TBX1: variants seen among roughly 807,000 people sequenced by gnomAD.
TBX1 encodes T-box transcription factor 1, also known as T-box transcription factor TBX1.
A neutral mutation model predicts 40.8 loss-of-function variants in TBX1; 16 were observed. The ratio of observed to expected loss-of-function variants is 0.39; its 90% CI spans 0.27 to 0.60. The LOEUF (loss-of-function observed/expected upper bound fraction) is 0.60. Ranked by LOEUF, TBX1 falls within the 20% of genes least tolerant of loss-of-function variation. The probability of loss-of-function intolerance (pLI) is 0.51; values close to 1 mark genes in which losing one functional copy is unlikely to be tolerated. For synonymous variants in TBX1, 403 were observed against 336.8 expected, an observed-to-expected ratio of 1.20 and a Z score of -2.15; for missense variants, 755 against 728.5, an observed-to-expected ratio of 1.04 and a Z score of -0.42.
chr22:19,779,373 T>C (rs144421657), exon 9 of TBX1: 62 of 1,614,162 alleles, frequency 3.8e-5, no homozygotes, highest in Non-Finnish European at 2.2e-5. Flanking sequence ...CAGGGCCTGG[T>C]GGCTGGGAGG....
At chr22:19,768,353 C>T (rs1306114581), downstream of TBX1, among the ~76,000 whole-genome samples, 1 of 152,206 alleles carries the variant, frequency 6.6e-6, no homozygotes, top group Non-Finnish European at 1.5e-5. Context: ...TACATGTTTG[C>T]TCTGGCGGCG....
At chr22:19,779,148 G>A in intron 8 of TBX1, 1 of 1,552,916 alleles carries the variant, frequency 6.4e-7, no homozygotes, top group South Asian at 1.1e-5. Context: ...TGTGCAGTCT[G>A]ATCTGCAAGA....
rs1439998955 is a variant in TBX1, at chr22:19,766,956, T to TA, written c.*90dup. 1 of 1,521,384 alleles carries TA rather than the reference T, an allele frequency of 6.6e-7. No homozygotes were observed. Among genetic ancestry groups the TA allele is most frequent in the Non-Finnish European group, 8.7e-7 (1 of 1,143,390 alleles). 94.2% of individuals were successfully genotyped at this position (1,521,384 alleles called of 1,614,324 possible). On this transcript the variant is annotated 3_prime_UTR_variant, in exon 7 of 7. Transcript: ENST00000649276. The stretch of plus-strand genomic sequence containing the variant: ...CCCTGCCCCAAGGGCAAGCAAGGAA[T>TA]ACGTTCCCCCAGCCCCAGGGGCCAC...
At chr22:19,758,302 GGAGGCTCCAGCAAGGCACA>G (rs528119217), upstream of TBX1, among the ~76,000 whole-genome samples, 222 of 152,288 alleles carry the variant, frequency 1.5e-3, no homozygotes, top group African/African-American at 4.8e-3. Flanking sequence ...CCAGCACCAG[GGAGGCTCCAGCAAGGCACA>G]GAGGCTCCAG....
chr22:19,761,664 C>A (rs369516405), intron 1 of TBX1, among the ~76,000 whole-genome samples: 2 of 152,212 alleles, frequency 1.3e-5, no homozygotes, highest in African/African-American at 2.4e-5. Flanking sequence ...CACCGCCCGG[C>A]CGACTCCTAG....
rs780062926 is a variant in TBX1 at position 19,763,349 on chromosome 22, G to A, written c.539+7G>A. 3.8e-5 allele frequency: 62 copies of A among 1,613,882 alleles called. 1 individual carries two copies. The Admixed American group carries it at 4.3e-4, about 11-fold the overall frequency. ...TGGACGATAAGCGCTACCGGTGAGC[G>A]AGTGGTTGTAAGCGTGAGGGACCGG... On this transcript the variant is annotated splice_region_variant and intron_variant, in intron 2 of 6. Transcript: ENST00000649276.
At chr22:19,777,028 G>A (rs1937075869) in intron 8 of TBX1, among the ~76,000 whole-genome samples, 1 of 152,100 alleles carries the variant, frequency 6.6e-6, no homozygotes, top group South Asian at 2.1e-4. Flanking sequence ...GCATGTTATT[G>A]AACATTAAGG....
rs762076391 is a variant in TBX1, at chr22:19,766,836, C to T, written c.1484C>T (p.Pro495Leu). The T allele has an allele frequency of 2.5e-5, 40 of 1,569,900 alleles. 1 individual carries two copies. In the Middle Eastern group the frequency reaches 5.6e-4, roughly 22 times the overall value. Residue 495 changes from proline (P) to leucine (L), a missense_variant, in exon 7 of 7, where the codon CCG becomes CTG. By Grantham distance (98) the Pro-to-Leu change is moderately conservative (BLOSUM62 -3). Coordinates refer to ENST00000649276, the MANE Select transcript of TBX1 (RefSeq NM_001379200.1). ...ANMYSSAGAAPPGSYDYCPR is the reference protein window; with the variant it reads ...ANMYSSAGAALPGSYDYCPR Reference sequence around the variant, plus strand: ...ATGTACTCGTCGGCCGGAGCCGCGCCGCCCGGCTCCTACGACTATTGCCCC... The same window carrying T: ...ATGTACTCGTCGGCCGGAGCCGCGCTGCCCGGCTCCTACGACTATTGCCCC...
rs1427484273 is a variant in TBX1, at chr22:19,760,899, T to C, written c.56T>C (p.Val19Ala). The C allele has an allele frequency of 2.8e-6, 3 of 1,058,242 alleles. No individual in the cohort carries two copies. Among genetic ancestry groups the C allele is most frequent in the South Asian group, 5.0e-5 (2 of 39,968 alleles). 65.6% of individuals were successfully genotyped at this position (1,058,242 alleles called of 1,614,324 possible). A position where few individuals can be genotyped will look rare whatever the true frequency, so the allele number is the denominator to read the frequency against. ...WLTQLSHFCD[V>A]AAFTASSLSS... ...ACGCAGCTCTCGCATTTCTGCGACG[T>C]TGCAGCCTTCACGGCCAGCAGCCTG... Residue 19 changes from valine to alanine, a missense_variant, in exon 1 of 7, where the codon GTT becomes GCT. Val to Ala is a moderately conservative substitution (Grantham distance 64, BLOSUM62 0). Transcript: ENST00000649276.
downstream of TBX1, among the ~76,000 whole-genome samples, chr22:19,768,289 G>A (rs41299362): frequency 2.8e-3 from 425 of 152,320 alleles, 1 homozygote; most frequent in Non-Finnish European, 4.7e-3. Flanking sequence ...CCACCTCTCC[G>A]AGGGCACAGC....
At chr22:19,759,631 A>G, upstream of TBX1, 2 of 1,612,142 alleles carry the variant, frequency 1.2e-6, no homozygotes, top group Non-Finnish European at 1.7e-6. Flanking sequence ...GGCTGCCAGG[A>G]TCCCCGGCAG....
At chr22:19,771,114 C>T (rs962746274), downstream of TBX1, among the ~76,000 whole-genome samples, 4 of 152,166 alleles carry the variant, frequency 2.6e-5, no homozygotes, top group African/African-American at 9.7e-5. Flanking sequence ...GGGCAGGGTC[C>T]ACAAGCATCT....
chr22:19,782,359 C>T (rs1937150525), downstream of TBX1, among the ~76,000 whole-genome samples: 1 of 151,686 alleles, frequency 6.6e-6, no homozygotes, highest in African/African-American at 2.4e-5. Flanking sequence ...GTGTACAAGT[C>T]TTTCACCTCC....
In TBX1 at chr22:19,767,206, C is replaced by T; in HGVS notation, c.*339C>T. The T allele has an allele frequency of 2.7e-6, 3 of 1,100,868 alleles. No homozygotes were observed. Among genetic ancestry groups the T allele is most frequent in the South Asian group, 3.4e-5 (1 of 29,550 alleles). The allele number at this position is 1,100,868 out of a possible 1,614,324, so 68.2% of individuals were successfully genotyped here. On this transcript the variant is annotated 3_prime_UTR_variant, in exon 7 of 7. Transcript: ENST00000649276. ...CCCCGAGACCGCGTCGCCCGCGGCC[C>T]GGCCGGCAGTTGCAGTGTAGACAGC...
chr22:19,763,985 G>C (rs1936751825), intron 2 of TBX1, among the ~76,000 whole-genome samples, 170 bp from the exon 3 acceptor site: 1 of 152,310 alleles, frequency 6.6e-6, no homozygotes, highest in African/African-American at 2.4e-5. Context: ...GGAGTTCTCT[G>C]TTTAGTCCAT....
chr22:19,774,159 A>G (rs761731855), intron 8 of TBX1, among the ~76,000 whole-genome samples: 2 of 152,246 alleles, frequency 1.3e-5, no homozygotes, highest in Non-Finnish European at 2.9e-5. Context: ...GTGGGACTGT[A>G]AGATAGTGCA....
chr22:19,760,710 C>T (rs1161716244), upstream of TBX1, among the ~76,000 whole-genome samples: 1 of 122,072 alleles, frequency 8.2e-6, no homozygotes, highest in Non-Finnish European at 1.7e-5. Context: ...CGGGGCGGGG[C>T]GCCTCCTCGG....
upstream of TBX1, among the ~76,000 whole-genome samples, chr22:19,758,591 G>A (rs1936539245): frequency 6.6e-6 from 1 of 152,212 alleles, no homozygotes; most frequent in Admixed American, 6.5e-5. Flanking sequence ...GTGCCGGGGG[G>A]CAGCATACGA....
At chr22:19,764,074 C>T in intron 2 of TBX1, 81 bp from the exon 3 acceptor site, 1 of 1,539,370 alleles carries the variant, frequency 6.5e-7, no homozygotes, top group Non-Finnish European at 8.9e-7. Flanking sequence ...CTCAAAGGCA[C>T]TTTTAGGGTT....
Sources: allele counts gnomAD v4.1 joint callset (sites outside exome capture counted in the v4.1 genomes callset), GRCh38; gene constraint gnomAD v4.1.1; transcripts MANE v1.5; gene names NCBI Gene and HGNC (gene_info 2026-07-23, HGNC 2026-07-21).